Variants in TMEM164 observed in about 807,000 individuals in gnomAD.
The protein encoded by TMEM164 is RP13-360B22.2.
TMEM164 carries 4 observed loss-of-function variants against 18.8 expected under a neutral mutation model. That is an observed-to-expected ratio of 0.21 (90% confidence interval 0.10 to 0.49). The LOEUF (loss-of-function observed/expected upper bound fraction) is 0.49. TMEM164 is among the 20% of genes least tolerant of loss of function. TMEM164 has a pLI of 0.98. For missense variants in TMEM164, 108 were observed against 239.9 expected (o/e 0.45, Z 3.63); for synonymous variants, 86 against 101.7 (o/e 0.85, Z 0.93).
At chrX:110,099,758 A>T (rs927119433) in intron 3 of TMEM164, among the ~76,000 whole-genome samples, 3 of 112,208 alleles carry the variant, frequency 2.7e-5, no homozygotes, top group African/African-American at 9.7e-5. Context: ...TGGGATTTTG[A>T]TCAGAATTGC....
intron 2 of TMEM164, among the ~76,000 whole-genome samples, chrX:110,033,284 G>A (rs763555468): frequency 1.7e-4 from 19 of 111,864 alleles, no homozygotes; most frequent in African/African-American, 2.9e-4. Context: ...AAAAAATGTC[G>A]TTTCTTTACA....
intron 5 of TMEM164, among the ~76,000 whole-genome samples, chrX:110,156,837 G>T (rs2067023474): frequency 1.8e-5 from 2 of 110,977 alleles, no homozygotes; most frequent in Admixed American, 1.9e-4. Context: ...CCACCCTCAT[G>T]ACCTAATCAG....
At chrX:110,143,804 G>GGTGTGTGTGTGTGT (rs759024255) in intron 4 of TMEM164, among the ~76,000 whole-genome samples, 7 of 103,074 alleles carry the variant, frequency 6.8e-5, no homozygotes, top group African/African-American at 2.5e-4. Context: ...CATACTTTGG[G>GGTGTGTGTGTGTGT]GTGTGTGTGT....
chrX:110,055,413 T>C (rs1275871531), intron 2 of TMEM164: 1 of 285,895 alleles, frequency 3.5e-6, no homozygotes. Flanking sequence ...GGTTGTGCAG[T>C]GCACAACCTA....
At chrX:110,114,937 C>A (rs770869223) in intron 4 of TMEM164, among the ~76,000 whole-genome samples, 132 of 111,926 alleles carry the variant, frequency 1.2e-3, no homozygotes, top group African/African-American at 4.1e-3. Flanking sequence ...TTCCTTTTTA[C>A]CCCCTTTACT....
At chrX:110,152,600 C>T (rs1367678449) in intron 5 of TMEM164, among the ~76,000 whole-genome samples, 3 of 111,695 alleles carry the variant, frequency 2.7e-5, no homozygotes, top group African/African-American at 9.8e-5. Context: ...TGTCCCCACA[C>T]TGTTTATTAA....
At chrX:110,009,362 G>A (rs768733463) in intron 2 of TMEM164, among the ~76,000 whole-genome samples, 14 of 112,187 alleles carry the variant, frequency 1.2e-4, no homozygotes, top group African/African-American at 2.9e-4. Context: ...TTTCCCAGCC[G>A]TCTGAATACA....
At chrX:110,012,026 T>C (rs1933034159) in intron 2 of TMEM164, among the ~76,000 whole-genome samples, 1 of 111,570 alleles carries the variant, frequency 9.0e-6, no homozygotes, top group Non-Finnish European at 1.9e-5. Context: ...AGATAGAAAA[T>C]TGTGTTCTCT....
chrX:110,056,143 A>G (rs1046205887), intron 2 of TMEM164, among the ~76,000 whole-genome samples: 4 of 111,151 alleles, frequency 3.6e-5, no homozygotes, highest in African/African-American at 6.6e-5. Flanking sequence ...CATCATCCAA[A>G]AAATAACTCC....
intron 4 of TMEM164, among the ~76,000 whole-genome samples, chrX:110,132,491 T>C (rs1442307740): frequency 8.9e-6 from 1 of 112,019 alleles, no homozygotes; most frequent in African/African-American, 3.3e-5. Flanking sequence ...GATATTTATA[T>C]TCATATTGAT....
intron 3 of TMEM164, among the ~76,000 whole-genome samples, chrX:110,100,155 C>T (rs1453630586): frequency 2.7e-5 from 3 of 111,128 alleles, no homozygotes; most frequent in Non-Finnish European, 3.8e-5. Flanking sequence ...TTTACTTCTT[C>T]CTTTTCGATC....
intron 4 of TMEM164, among the ~76,000 whole-genome samples, chrX:110,136,020 A>G (rs1362090625): frequency 3.6e-5 from 4 of 112,024 alleles, no homozygotes; most frequent in Non-Finnish European, 7.5e-5. Flanking sequence ...TTTTAAAAAA[A>G]AATCAGGATC....
At chrX:110,052,063 A>G (rs1218184526) in intron 2 of TMEM164, among the ~76,000 whole-genome samples, 1 of 111,574 alleles carries the variant, frequency 9.0e-6, no homozygotes, top group African/African-American at 3.3e-5. Context: ...TAAAAATGGG[A>G]TCATTCAACA....
intron 3 of TMEM164, among the ~76,000 whole-genome samples, chrX:110,078,319 G>A (rs918021017): frequency 8.1e-5 from 9 of 111,232 alleles, no homozygotes; most frequent in Non-Finnish European, 1.9e-5. Flanking sequence ...GTTCTGTTTG[G>A]CTCTTTCTTA....
At chrX:110,069,211 T>C in intron 3 of TMEM164, among the ~76,000 whole-genome samples, 1 of 112,094 alleles carries the variant, frequency 8.9e-6, no homozygotes, top group East Asian at 2.8e-4. Context: ...TTTATGTTAA[T>C]AGATATCGCC....
chrX:110,104,878 T>C (rs1428177822), intron 3 of TMEM164, among the ~76,000 whole-genome samples: 1 of 110,839 alleles, frequency 9.0e-6, no homozygotes, highest in Non-Finnish European at 1.9e-5. Context: ...ACCTCCACAT[T>C]GTTCAAAGAT....
Position 110,108,123 on chromosome X carries a change from T to TGTGTGTGA in TMEM164, c.441-954_441-953insTGTGAGTG, listed in dbSNP as rs1569332380. Among the ~76,000 whole-genome samples, 3 of 104,220 alleles carry TGTGTGTGA rather than the reference T, an allele frequency of 2.9e-5. No individual in the cohort carries two copies. In the East Asian group the frequency reaches 9.0e-4, roughly 31 times the overall value. The allele number at this position is 104,220 out of a possible 115,157, so 90.5% of individuals were successfully genotyped here. On this transcript the variant is annotated intron_variant, in intron 3 of 6. Transcript: ENST00000372068. ...GTGTGTGTGTGTGTGTGTGTGTGTG[T>TGTGTGTGA]GTGATTGAGATTGACATCAACCCCC...
chrX:110,155,819 C>T (rs967392368), intron 5 of TMEM164, among the ~76,000 whole-genome samples: 1 of 112,431 alleles, frequency 8.9e-6, no homozygotes, highest in African/African-American at 3.2e-5. Context: ...CATTCAAGAC[C>T]ATTCACAGTC....
At chrX:110,161,506 G>A (rs2067093878) in intron 5 of TMEM164, among the ~76,000 whole-genome samples, 1 of 112,122 alleles carries the variant, frequency 8.9e-6, no homozygotes, top group South Asian at 3.7e-4. Context: ...CAACAGGTGG[G>A]TAGGTGAGTT....
Sources: gnomAD v4.1 joint callset for allele counts (sites outside exome capture counted in the v4.1 genomes callset) on GRCh38, gnomAD v4.1.1 for gene constraint, MANE v1.5 for transcripts, NCBI Gene and HGNC (gene_info 2026-07-23, HGNC 2026-07-21) for gene names.